MANSC4: variants seen among roughly 807,000 people sequenced by gnomAD.
The protein encoded by MANSC4 is MANSC domain-containing protein 4.
A neutral mutation model predicts 11.4 loss-of-function variants in MANSC4; 11 were observed. That is an observed-to-expected ratio of 0.97 (90% CI 0.61 to 1.60). The LOEUF is 1.60. MANSC4 is among the 40% of genes most tolerant of loss of function. The pLI is 0.00. For missense variants in MANSC4, 354 were observed against 404.6 expected, an observed-to-expected ratio of 0.88 and a Z score of 1.07; for synonymous variants, 123 against 147.1, an observed-to-expected ratio of 0.84 and a Z score of 1.19.
rs1002243425 is a variant in MANSC4 at position 27,771,286 on chromosome 12, A to G, written c.-10T>C. The G allele has an allele frequency of 6.3e-5, 98 of 1,547,392 alleles. No homozygotes were observed. Among genetic ancestry groups the G allele is most frequent in the Non-Finnish European group, 8.4e-5 (96 of 1,145,220 alleles). On this transcript the variant is annotated 5_prime_UTR_variant, in exon 2 of 4. Transcript: ENST00000381273. ...CCTCTGCCACATGCATTTTTCCTGT[A>G]TGAAGGAAGACTCGAAGATAAGTCT...
intron 1 of MANSC4, among the ~76,000 whole-genome samples, chr12:27,777,818 C>G (rs987750031): frequency 6.6e-6 from 1 of 151,974 alleles, no homozygotes; most frequent in Non-Finnish European, 1.5e-5. Context: ...CACAGTAGTG[C>G]TTTGAGAGAC....
At chr12:27,767,596 G>A (rs1323255538) in intron 2 of MANSC4, among the ~76,000 whole-genome samples, 1 of 151,990 alleles carries the variant, frequency 6.6e-6, no homozygotes, top group East Asian at 1.9e-4. Flanking sequence ...CCAGCTACTC[G>A]AGAGGCTGAG....
intron 1 of MANSC4, among the ~76,000 whole-genome samples, chr12:27,778,352 G>C (rs564812577): frequency 2.0e-5 from 3 of 151,846 alleles, no homozygotes; most frequent in Non-Finnish European, 1.5e-5. Flanking sequence ...AAATTTCGTA[G>C]TAAGAACCAC....
intron 1 of MANSC4, among the ~76,000 whole-genome samples, chr12:27,775,801 A>G (rs1223176097): frequency 6.6e-6 from 1 of 151,224 alleles, no homozygotes; most frequent in Non-Finnish European, 1.5e-5. Context: ...GTAAAAGTAT[A>G]TTTTTCAGCC....
intron 1 of MANSC4, among the ~76,000 whole-genome samples, chr12:27,776,600 CA>C (rs1840594315): frequency 6.6e-6 from 1 of 151,852 alleles, no homozygotes; most frequent in African/African-American, 2.4e-5. Context: ...CATAGTGGCG[CA>C]GGCCTGTATT....
At chr12:27,767,543 A>G (rs965581117) in intron 2 of MANSC4, among the ~76,000 whole-genome samples, 4 of 152,112 alleles carry the variant, frequency 2.6e-5, no homozygotes, top group Non-Finnish European at 5.9e-5. Flanking sequence ...GTGTCTACTA[A>G]AAATACAAAA....
rs142210874 is a variant in MANSC4, at chr12:27,766,358, G to A, written c.364+307C>T. Among the ~76,000 whole-genome samples the A allele has an allele frequency of 1.6e-3, 245 of 152,240 alleles. 1 individual carries two copies. The highest frequency in any genetic ancestry group is 0.01 in the Middle Eastern group (3 of 294). ...TGGGATTACAGGCATGAGCCACCGC[G>A]CCTGGCCGAGAAATGCTTCCTTTGG... On this transcript the variant is annotated intron_variant, in intron 3 of 3. Transcript: ENST00000381273.
intron 3 of MANSC4, among the ~76,000 whole-genome samples, chr12:27,765,697 A>C (rs1318064767): frequency 6.6e-6 from 1 of 152,222 alleles, no homozygotes; most frequent in Non-Finnish European, 1.5e-5. Flanking sequence ...TAGATTATAA[A>C]GGAAATTGAG....
chr12:27,775,528 A>G (rs111618066), intron 1 of MANSC4, among the ~76,000 whole-genome samples: 6,093 of 152,240 alleles, frequency 0.04, 385 homozygotes, highest in African/African-American at 0.14. Flanking sequence ...CCCTGTCTCA[A>G]ATAAATACTA....
chr12:27,776,599 G>A (rs767709873), intron 1 of MANSC4, among the ~76,000 whole-genome samples: 8 of 151,860 alleles, frequency 5.3e-5, no homozygotes, highest in East Asian at 1.9e-4. Context: ...GCATAGTGGC[G>A]CAGGCCTGTA....
chr12:27,766,779 A>T lies in MANSC4; in HGVS notation c.250T>A (p.Phe84Ile), dbSNP rs141963239. ...TTGTCATGAATAGGACTGTGGTAGA[A>T]GACAGCCAGGTTACAGGAAACTGAA... ...RKDVSCNLAV[F>I]YHSPIHDNIN... is the part of the protein sequence containing the mutation. The change falls in exon 3 of 4, where the codon TTC becomes ATC. Residue 84 changes from phenylalanine (F) to isoleucine (I), a missense_variant. Transcript: ENST00000381273. 4.5e-6 allele frequency: 7 copies of T among 1,551,662 alleles called. No homozygotes were observed. In the African/African-American group the frequency reaches 9.6e-5, roughly 21 times the overall value.
At chr12:27,776,205 C>T (rs1306479790) in intron 1 of MANSC4, among the ~76,000 whole-genome samples, 2 of 151,988 alleles carry the variant, frequency 1.3e-5, no homozygotes, top group African/African-American at 4.8e-5. Context: ...CTCTGCACTT[C>T]AGCTTCCTCA....
chr12:27,775,579 T>G (rs1442729986), intron 1 of MANSC4, among the ~76,000 whole-genome samples: 1 of 152,102 alleles, frequency 6.6e-6, no homozygotes, highest in African/African-American at 2.4e-5. Context: ...TTTTTAAATT[T>G]TTTTGTAGAG....
At chr12:27,777,524 T>C (rs912816045) in intron 1 of MANSC4, among the ~76,000 whole-genome samples, 4 of 152,198 alleles carry the variant, frequency 2.6e-5, no homozygotes, top group Non-Finnish European at 5.9e-5. Context: ...CTCCACCTCC[T>C]GCTCCAAAGC....
chr12:27,770,393 T>A (rs925177959), intron 2 of MANSC4, among the ~76,000 whole-genome samples: 3 of 152,002 alleles, frequency 2.0e-5, no homozygotes, highest in African/African-American at 7.2e-5. Flanking sequence ...GTTGGCCAGG[T>A]TGGTCTCCAA....
chr12:27,779,127 A>T (rs971896050), intron 1 of MANSC4, among the ~76,000 whole-genome samples: 1 of 152,164 alleles, frequency 6.6e-6, no homozygotes, highest in South Asian at 2.1e-4. Flanking sequence ...TGGGCTTCCC[A>T]AAGTCATGGG....
At chr12:27,765,243 TTTC>T (rs1469541934) in intron 3 of MANSC4, among the ~76,000 whole-genome samples, 1 of 152,236 alleles carries the variant, frequency 6.6e-6, no homozygotes, top group Non-Finnish European at 1.5e-5. Context: ...CTTCTCTTCA[TTTC>T]AACTACAGTC....
rs61734418 is a variant in MANSC4, at chr12:27,769,576, C to G, written c.229+1472G>C. Among the ~76,000 whole-genome samples the G allele has an allele frequency of 7.1e-3, 1,074 of 152,338 alleles. 10 individuals carry two copies. The highest frequency in any genetic ancestry group is 0.024 in the African/African-American group (1,007 of 41,572). ...AGAAAGCGTCCTGCCCCTCCGCTATCTCCCCTCAGTGAGGACTTACGGGAG... is the reference window on the plus strand; with the variant it reads ...AGAAAGCGTCCTGCCCCTCCGCTATGTCCCCTCAGTGAGGACTTACGGGAG... On this transcript the variant is annotated intron_variant, in intron 2 of 3. Coordinates refer to ENST00000381273, the MANE Select transcript of MANSC4 (RefSeq NM_001146221.5).
At position 27,763,301 on chromosome 12, in the gene MANSC4, C is replaced by G; in HGVS notation, c.460G>C (p.Ala154Pro). The change falls in exon 4 of 4, where the codon GCT becomes CCT. Residue 154 changes from alanine (A) to proline (P), a missense_variant. Ala to Pro is a conservative substitution (Grantham distance 27). Coordinates refer to ENST00000381273, the MANE Select transcript of MANSC4 (RefSeq NM_001146221.5). ...GTGGTTTGTTTATCTAAATTCATAG[C>G]TTTTAGAATCCTTAGTCTGTCCCAT... ...NRWDRLRILK[A>P]MNLDKQTTTI... 6.4e-7 allele frequency: 1 copy of G among 1,551,654 alleles called. No homozygotes were observed. The highest frequency in any genetic ancestry group is 8.7e-7 in the Non-Finnish European group (1 of 1,146,960).
Sources: allele counts gnomAD v4.1 joint callset (sites outside exome capture counted in the v4.1 genomes callset), GRCh38; gene constraint gnomAD v4.1.1; transcripts MANE v1.5; gene names NCBI Gene and HGNC (gene_info 2026-07-23, HGNC 2026-07-21).